The following GRIA1 variants were observed in gnomAD, a reference collection of about 807,000 sequenced individuals.
GRIA1 encodes the protein glutamate receptor 1.
Under a neutral mutation model 99.2 loss-of-function variants are expected in GRIA1, and 31 were observed. That is an observed-to-expected ratio of 0.31 (90% CI 0.23 to 0.42). The LOEUF (loss-of-function observed/expected upper bound fraction) is 0.42. Ranked by LOEUF, GRIA1 falls within the 10% of genes least tolerant of loss-of-function variation. GRIA1 has a pLI of 1.00. For synonymous variants in GRIA1, 438 were observed against 432.4 expected, an observed-to-expected ratio of 1.01 and a Z score of -0.16; for missense variants, 782 against 1,157.5, an observed-to-expected ratio of 0.68 and a Z score of 4.71.
rs1167054961 is a variant in GRIA1 at position 153,534,921 on chromosome 5, TTGTTTTGTTTTGTTTTA to T, written c.220+40858_220+40874del. 2.6e-5 allele frequency among the ~76,000 whole-genome samples: 4 copies of T among 151,458 alleles called. No individual in the cohort carries two copies. The East Asian group carries it at 7.8e-4, about 29-fold the overall frequency. ...AGGCCTTTTTTTGTTTTGTTTTGTT[TTGTTTTGTTTTGTTTTA>T]TTTTTGAGGTGGAGTCTCTGTTGCC... On this transcript the variant is annotated intron_variant, in intron 2 of 15. Transcript: ENST00000285900.
intron 2 of GRIA1, among the ~76,000 whole-genome samples, chr5:153,591,235 C>G (rs778406405): frequency 6.6e-6 from 1 of 152,134 alleles, no homozygotes; most frequent in Non-Finnish European, 1.5e-5. Flanking sequence ...TCTTCCTGAC[C>G]TTTTAATTGC....
intron 11 of GRIA1, among the ~76,000 whole-genome samples, chr5:153,735,646 T>C (rs1220978958): frequency 1.3e-5 from 2 of 152,176 alleles, no homozygotes; most frequent in African/African-American, 2.4e-5. Context: ...GTCTCCTCCC[T>C]TAATATTACA....
chr5:153,609,799 G>C (rs1765816179), intron 2 of GRIA1, among the ~76,000 whole-genome samples: 2 of 151,948 alleles, frequency 1.3e-5, no homozygotes, highest in Non-Finnish European at 2.9e-5. Flanking sequence ...CTGACCTTGT[G>C]ATCTGCCGGC....
chr5:153,562,324 G>A (rs1348771808), intron 2 of GRIA1, among the ~76,000 whole-genome samples: 1 of 152,112 alleles, frequency 6.6e-6, no homozygotes, highest in Non-Finnish European at 1.5e-5. Context: ...ACTTGGAGTG[G>A]GGGTGGAGGG....
intron 13 of GRIA1, among the ~76,000 whole-genome samples, chr5:153,775,451 T>C (rs2149626936): frequency 6.6e-6 from 1 of 152,324 alleles, no homozygotes; most frequent in East Asian, 1.9e-4. Flanking sequence ...TTCTGTCATG[T>C]GTCTTGTTTA....
intron 11 of GRIA1, among the ~76,000 whole-genome samples, chr5:153,717,671 C>A (rs1171173389): frequency 2.0e-5 from 3 of 152,202 alleles, no homozygotes; most frequent in African/African-American, 7.2e-5. Context: ...TGGACCACTT[C>A]TTCAGCTGCC....
chr5:153,761,788 T>C (rs1310025005), intron 11 of GRIA1, among the ~76,000 whole-genome samples: 2 of 152,150 alleles, frequency 1.3e-5, no homozygotes, highest in Non-Finnish European at 2.9e-5. Flanking sequence ...AACAGATGAA[T>C]AGATTTTTAA....
At position 153,703,862 on chromosome 5, in the gene GRIA1, C is replaced by A. The variant is rs373195798; in HGVS notation, c.1453-1835C>A. 4.6e-5 allele frequency among the ~76,000 whole-genome samples: 7 copies of A among 152,314 alleles called. No homozygotes were observed. In the East Asian group the frequency reaches 1.3e-3, roughly 29 times the overall value. On this transcript the variant is annotated intron_variant, in intron 10 of 15. Coordinates refer to ENST00000285900, the MANE Select transcript of GRIA1 (RefSeq NM_000827.4). ...CCCTTTCAGAGCTGGTCTTCATCCA[C>A]CTCCCTTCCGGATAACTTGTGGTCA...
chr5:153,686,402 T>A (rs1757345305), intron 8 of GRIA1, 73 bp downstream of exon 8: 1 of 1,052,314 alleles, frequency 9.5e-7, no homozygotes, highest in Non-Finnish European at 1.4e-6. Context: ...GCTGAGGGCC[T>A]GTGAGTCCAC....
At chr5:153,521,063 A>G (rs2113371632) in intron 2 of GRIA1, among the ~76,000 whole-genome samples, 1 of 152,374 alleles carries the variant, frequency 6.6e-6, no homozygotes, top group African/African-American at 2.4e-5. Flanking sequence ...ATTCAAAAAC[A>G]AATGAGGAAA....
chr5:153,648,173 C>T (rs747069387), intron 3 of GRIA1, among the ~76,000 whole-genome samples: 16 of 152,108 alleles, frequency 1.1e-4, no homozygotes, highest in African/African-American at 9.7e-5. Flanking sequence ...GTTAGGCAGG[C>T]GTCGTTCAGA....
chr5:153,794,745 AGT>A lies in GRIA1; in HGVS notation c.2385+11_2385+12del. 1 of 1,556,218 alleles carries A rather than the reference AGT, an allele frequency of 6.4e-7. No homozygotes were observed. Among genetic ancestry groups the A allele is most frequent in the Admixed American group, 1.7e-5 (1 of 57,886 alleles). On this transcript the variant is annotated intron_variant, in intron 14 of 15. Transcript: ENST00000285900. ...GGGAGGTGATTCCAAGGTCAGCCCCAGTAAGAAAAAAAAAAACCTAGTGGGTA... is the reference window on the plus strand; with the variant it reads ...GGGAGGTGATTCCAAGGTCAGCCCCAAAGAAAAAAAAAAACCTAGTGGGTA...
At chr5:153,738,582 A>G (rs1761551756) in intron 11 of GRIA1, among the ~76,000 whole-genome samples, 1 of 152,026 alleles carries the variant, frequency 6.6e-6, no homozygotes, top group Non-Finnish European at 1.5e-5. Flanking sequence ...GCATCCAATC[A>G]ATCTTCAAAT....
chr5:153,504,254 C>T (rs1415549961), intron 2 of GRIA1, among the ~76,000 whole-genome samples: 6 of 151,416 alleles, frequency 4.0e-5, no homozygotes, highest in Admixed American at 3.3e-4. Context: ...GGAATAATTC[C>T]CTCAAAGGGA....
At chr5:153,675,859 A>T (rs1032415265) in intron 6 of GRIA1, among the ~76,000 whole-genome samples, 13 of 145,704 alleles carry the variant, frequency 8.9e-5, no homozygotes, top group East Asian at 6.1e-4. Flanking sequence ...ATGTAATTTA[A>T]TTTTTTTTTT....
intron 7 of GRIA1, among the ~76,000 whole-genome samples, chr5:153,677,895 A>G (rs1237099093): frequency 2.0e-5 from 3 of 152,120 alleles, no homozygotes; most frequent in African/African-American, 7.2e-5. Flanking sequence ...GTAGATCTCT[A>G]AAGCACCTCA....
chr5:153,691,408 A>G (rs562820043), intron 8 of GRIA1, among the ~76,000 whole-genome samples: 5 of 152,308 alleles, frequency 3.3e-5, no homozygotes, highest in African/African-American at 1.2e-4. Context: ...TTGTTCCTAT[A>G]GCAATTTTTA....
intron 10 of GRIA1, among the ~76,000 whole-genome samples, chr5:153,700,122 C>T (rs758817167): frequency 2.1e-4 from 32 of 152,290 alleles, no homozygotes; most frequent in Middle Eastern, 3.4e-3. Context: ...CAGTGGCTCA[C>T]GCCTATAATC....
intron 2 of GRIA1, among the ~76,000 whole-genome samples, chr5:153,593,630 T>A (rs1446913228): frequency 6.6e-6 from 1 of 152,156 alleles, no homozygotes; most frequent in African/African-American, 2.4e-5. Flanking sequence ...TTGACTCAGA[T>A]CCAAAATTTC....
Sources: allele counts gnomAD v4.1 joint callset (sites outside exome capture counted in the v4.1 genomes callset), GRCh38; gene constraint gnomAD v4.1.1; transcripts MANE v1.5; gene names NCBI Gene and HGNC (gene_info 2026-07-23, HGNC 2026-07-21).